Variants in DDX42 observed in about 807,000 individuals in gnomAD.
DDX42 encodes the protein ATP-dependent RNA helicase DDX42.
DDX42 carries 22 observed loss-of-function variants against 101.5 expected under a neutral mutation model. That is an observed-to-expected ratio of 0.22 (90% CI 0.15 to 0.31). DDX42 has a LOEUF of 0.31. DDX42 is among the 10% of genes least tolerant of loss of function. DDX42 has a pLI of 1.00. For missense variants in DDX42, 849 were observed against 1,199.9 expected, an observed-to-expected ratio of 0.71 and a Z score of 4.32; for synonymous variants, 402 against 401.2, an observed-to-expected ratio of 1.00 and a Z score of -0.02.
At chr17:63,776,206 T>C (rs558933776) in intron 1 of DDX42, 17 of 152,380 alleles carry the variant, frequency 1.1e-4, no homozygotes, top group Non-Finnish European at 1.9e-4. Flanking sequence ...AGATCATATC[T>C]TATTTTCCGC....
At chr17:63,805,278 G>T (rs2039825033) in intron 7 of DDX42, 103 bp downstream of exon 7, 1 of 1,381,984 alleles carries the variant, frequency 7.2e-7, no homozygotes, top group Admixed American at 2.5e-5. Context: ...TTTTCTAATG[G>T]TCTCTGAACT....
At chr17:63,793,278 T>G (rs1298552441) in intron 3 of DDX42, among the ~76,000 whole-genome samples, 2 of 152,032 alleles carry the variant, frequency 1.3e-5, no homozygotes, top group Non-Finnish European at 2.9e-5. Context: ...TTTCTTTTAT[T>G]TTTTTGAGAC....
intron 1 of DDX42, among the ~76,000 whole-genome samples, chr17:63,782,522 T>C (rs1461395913): frequency 2.0e-5 from 3 of 152,140 alleles, no homozygotes; most frequent in Non-Finnish European, 4.4e-5. Context: ...CATTAGTGGC[T>C]CCACAGTTCA....
chr17:63,817,069 G>GC (rs2039985619), intron 17 of DDX42, 103 bp downstream of exon 17: 1 of 906,114 alleles, frequency 1.1e-6, no homozygotes, highest in Non-Finnish European at 1.7e-6. Flanking sequence ...TAGGCTTGAT[G>GC]CTAGATTTAG....
In DDX42 at chr17:63,810,520, A is replaced by C; in HGVS notation, c.1260A>C (p.Gln420His). ...TTGTTCTGTTTCTTGCAGAGTACCA[A>C]GTTCGATCCATAGCAAGTCATGTTC... ...DRMFDMGFEY[Q>H]VRSIASHVRP... The change falls in exon 12 of 18, where the codon CAA (glutamine) becomes CAC (histidine). Residue 420 changes from glutamine to histidine, a missense_variant. Around this residue, in one of 5 missense-constraint regions of DDX42, gnomAD observed 370 missense variants for 608.8 expected, o/e 0.61. Coordinates refer to ENST00000389924, the MANE Select transcript of DDX42 (RefSeq NM_203499.3). 1 of 1,614,064 alleles carries C rather than the reference A, an allele frequency of 6.2e-7. No homozygotes were observed. The highest frequency in any genetic ancestry group is 8.5e-7 in the Non-Finnish European group (1 of 1,179,998).
chr17:63,776,280 C>T (rs918671936), intron 1 of DDX42: 2 of 152,296 alleles, frequency 1.3e-5, no homozygotes, highest in Admixed American at 6.5e-5. Context: ...CATTTATTCT[C>T]ACTTCCTAGC....
At chr17:63,809,791 A>G (rs2144581481) in intron 11 of DDX42, 132 bp downstream of exon 11, 1 of 646,168 alleles carries the variant, frequency 1.5e-6, no homozygotes, top group South Asian at 2.2e-5. Context: ...CTATAGAAAT[A>G]TAGCTAAGAT....
Position 63,784,310 on chromosome 17 carries a change from CAAAAT to C in DDX42, c.-16-2719_-16-2715del, listed in dbSNP as rs563899776. On this transcript the variant is annotated intron_variant, in intron 1 of 17. Transcript: ENST00000389924. ...TTTAATTTTTCTTACTAATGGTAAA[CAAAAT>C]AAAAATCAAATAGCTGCTGTTAACA... 2.3e-3 allele frequency among the ~76,000 whole-genome samples: 348 copies of C among 152,070 alleles called. 3 individuals are homozygous for C. Among genetic ancestry groups the C allele is most frequent in the Admixed American group, 6.1e-3 (93 of 15,276 alleles).
intron 2 of DDX42, among the ~76,000 whole-genome samples, chr17:63,790,809 T>A (rs762407645): frequency 2.2e-4 from 33 of 152,120 alleles, no homozygotes; most frequent in Non-Finnish European, 4.3e-4. Context: ...CGTGCACCTG[T>A]AATGCCAGCT....
At chr17:63,792,084 C>A (rs923712800) in intron 2 of DDX42, among the ~76,000 whole-genome samples, 3 of 151,382 alleles carry the variant, frequency 2.0e-5, no homozygotes, top group African/African-American at 7.3e-5. Context: ...CATAGCACAG[C>A]TCTTTAATAT....
chr17:63,809,420 A>C, intron 10 of DDX42, 140 bp from the exon 11 acceptor site: 1 of 637,524 alleles, frequency 1.6e-6, no homozygotes, highest in East Asian at 2.7e-5. Flanking sequence ...TAAGTAGTGC[A>C]TAAGGTATGT....
chr17:63,798,963 A>G (rs930776433), intron 4 of DDX42, among the ~76,000 whole-genome samples: 1 of 152,138 alleles, frequency 6.6e-6, no homozygotes, highest in Non-Finnish European at 1.5e-5. Context: ...AAGTCTGATT[A>G]GAAACAGATG....
At chr17:63,786,210 T>A (rs2039545735) in intron 1 of DDX42, among the ~76,000 whole-genome samples, 1 of 152,208 alleles carries the variant, frequency 6.6e-6, no homozygotes, top group African/African-American at 2.4e-5. Flanking sequence ...GGTGTGTATC[T>A]GAAATACAAT....
Position 63,818,097 on chromosome 17 carries a change from G to A in DDX42, c.2516G>A (p.Arg839His), listed in dbSNP as rs749484081. ...AGTCCACGTCACGGAGATGGTGGTC[G>A]CCATGGAGATGGATACCGCCATCCA... ...SDSPRHGDGG[R>H]HGDGYRHPES... Residue 839 changes from arginine to histidine, a missense_variant, in exon 18 of 18, where the codon CGC (arginine) becomes CAC (histidine). Arg to His is a conservative substitution (Grantham distance 29). Coordinates refer to ENST00000389924, the MANE Select transcript of DDX42 (RefSeq NM_203499.3). 12 of 1,613,862 alleles carry A rather than the reference G, an allele frequency of 7.4e-6. No individual in the cohort carries two copies. Among genetic ancestry groups the A allele is most frequent in the Admixed American group, 3.3e-5 (2 of 59,998 alleles).
At chr17:63,802,906 A>G (rs760139784) in intron 6 of DDX42, among the ~76,000 whole-genome samples, 2 of 89,284 alleles carry the variant, frequency 2.2e-5, no homozygotes, top group Non-Finnish European at 4.3e-5. Context: ...ACAACACTCC[A>G]TCTCAAAAAA....
At chr17:63,807,678 T>C (rs757943914) in intron 8 of DDX42, 46 bp from the exon 9 acceptor site, 3 of 1,565,192 alleles carry the variant, frequency 1.9e-6, no homozygotes, top group Non-Finnish European at 2.6e-6. Context: ...TCAGTACATC[T>C]TTAGAATTGA....
chr17:63,815,648 G>A lies in DDX42; in HGVS notation c.1988G>A (p.Arg663Gln). 2.5e-6 allele frequency: 4 copies of A among 1,613,778 alleles called. No individual in the cohort carries two copies. The highest frequency in any genetic ancestry group is 3.4e-6 in the Non-Finnish European group (4 of 1,179,816). Residue 663 changes from arginine (R) to glutamine (Q), a missense_variant, in exon 16 of 18, where the codon CGG becomes CAG. Arg to Gln is a conservative substitution (Grantham distance 43). Around this residue, in one of 5 missense-constraint regions of DDX42, gnomAD observed 86 missense variants for 160.8 expected, o/e 0.53. Coordinates refer to ENST00000389924, the MANE Select transcript of DDX42 (RefSeq NM_203499.3). ...GGAGGAGGCCTAGGCTACAGGGAGC[G>A]GCCTGGCCTGGGCTCTGAGAACATG... ...IGGGGLGYRE[R>Q]PGLGSENMDR...
At chr17:63,798,370 GT>G (rs1261643410) in intron 4 of DDX42, among the ~76,000 whole-genome samples, 1 of 152,220 alleles carries the variant, frequency 6.6e-6, no homozygotes, top group Non-Finnish European at 1.5e-5. Context: ...TTATAGTAGA[GT>G]TTAGGGGAGC....
intron 1 of DDX42, among the ~76,000 whole-genome samples, chr17:63,783,923 G>T (rs2016172): frequency 0.23 from 35,310 of 151,866 alleles, 4,301 homozygotes; most frequent in Middle Eastern, 0.34. Context: ...AATTAGCTGA[G>T]CCTGGTGGCA....
Sources: gnomAD v4.1 joint callset for allele counts (sites outside exome capture counted in the v4.1 genomes callset) on GRCh38, gnomAD v4.1.1 for gene constraint, gnomAD v4.1.1 regional missense constraint, MANE v1.5 for transcripts, NCBI Gene and HGNC (gene_info 2026-07-23, HGNC 2026-07-21) for gene names.